Variants in IL11RA observed in about 807,000 individuals in gnomAD.
IL11RA encodes the protein interleukin 11 receptor subunit alpha, also known as interleukin-11 receptor subunit alpha.
In IL11RA, 51 loss-of-function variants were observed where a neutral mutation model predicts 57.0. The ratio of observed to expected loss-of-function variants is 0.89; its 90% CI spans 0.71 to 1.13. The LOEUF (loss-of-function observed/expected upper bound fraction) is 1.13. Ranked by LOEUF, IL11RA falls within the 50% of genes most tolerant of loss-of-function variation. IL11RA has a pLI of 0.00. For synonymous variants in IL11RA, 199 were observed against 217.5 expected (o/e 0.91, Z 0.75); for missense variants, 498 against 539.4 (o/e 0.92, Z 0.76).
rs544363313 is a variant in IL11RA, at chr9:34,657,343, G to A, written c.479+8G>A. 2.0e-5 allele frequency: 32 copies of A among 1,614,160 alleles called. No homozygotes were observed. The highest frequency in any genetic ancestry group is 8.3e-5 in the Admixed American group (5 of 60,022). On this transcript the variant is annotated splice_region_variant and intron_variant, in intron 6 of 12. Coordinates refer to ENST00000441545, the MANE Select transcript of IL11RA (RefSeq NM_001142784.3). ...AGGAGCTGATAGCCAGAGGTAGGAC[G>A]TGAGGGAGCATGTGGGGGCTCCAGC...
At position 34,661,585 on chromosome 9, in the gene IL11RA, G is replaced by A. The variant is rs1392757993; in HGVS notation, c.*87G>A. 7.3e-7 allele frequency: 1 copy of A among 1,370,734 alleles called. No individual in the cohort carries two copies. The highest frequency in any genetic ancestry group is 1.0e-6 in the Non-Finnish European group (1 of 958,110). 84.9% of individuals were successfully genotyped at this position (1,370,734 alleles called of 1,614,324 possible). On this transcript the variant is annotated 3_prime_UTR_variant, in exon 13 of 13. Transcript: ENST00000441545. ...ACCAGGCAGGACAGTAGATCCCTAT[G>A]GTTGGATCTCAGCTGGAAGTTCTGT...
chr9:34,660,171 C>T (rs909786850), intron 9 of IL11RA, 103 bp from the exon 10 acceptor site: 1 of 1,553,102 alleles, frequency 6.4e-7, no homozygotes, highest in Non-Finnish European at 8.9e-7. Flanking sequence ...GGCTCCTCCT[C>T]CTAGGTACCT....
In IL11RA at chr9:34,661,759, CA is replaced by C. The variant is rs11575583; in HGVS notation, c.*262del. On this transcript the variant is annotated 3_prime_UTR_variant, in exon 13 of 13. Transcript: ENST00000441545. Reference sequence around the variant, plus strand: ...CATGTGTGACCATGTGTCTGTGAGGCAGGGAACATGTATTCTCTGCATGCAT... The same window carrying C: ...CATGTGTGACCATGTGTCTGTGAGGCGGGAACATGTATTCTCTGCATGCAT... 0.039 allele frequency: 28,718 copies of C among 729,250 alleles called. 849 individuals are homozygous for C. Among genetic ancestry groups the C allele is most frequent in the South Asian group, 0.1 (6,253 of 59,660 alleles). The allele number at this position is 729,250 out of a possible 1,614,324, so 45.2% of individuals were successfully genotyped here.
chr9:34,658,676 G>A lies in IL11RA; in HGVS notation c.803G>A (p.Trp268Ter). The change falls in exon 8 of 13, where the codon TGG becomes TAG. Residue 268 changes from tryptophan (W) to a stop codon, truncating the protein, a stop_gained. Transcript: ENST00000441545. LOFTEE classifies it high-confidence loss of function. The surrounding 1 kb of genome is among the most constrained non-coding windows in gnomAD (Gnocchi z 4.0). ...TACCGTCCGGCGCAGCATCCAGCCTGGTCCACGGTGAGGCCTGGAGTGCGT... is the reference window on the plus strand; with the variant it reads ...TACCGTCCGGCGCAGCATCCAGCCTAGTCCACGGTGAGGCCTGGAGTGCGT... ...LQYRPAQHPAWSTVEPAGLEE... is the reference protein window; with the variant it reads ...LQYRPAQHPA 1 of 1,612,652 alleles carries A rather than the reference G, an allele frequency of 6.2e-7. No homozygotes were observed. Among genetic ancestry groups the A allele is most frequent in the Non-Finnish European group, 8.5e-7 (1 of 1,180,024 alleles).
intron 1 of IL11RA, chr9:34,654,994 CGTGTGTGTGTGT>C (rs59679449): frequency 1.1e-5 from 5 of 475,034 alleles, no homozygotes; most frequent in East Asian, 3.8e-5. Context: ...TGTGTGTGTC[CGTGTGTGTGTGT>C]GTGTGTGTGT....
chr9:34,656,672 C>A, intron 3 of IL11RA, 67 bp from the exon 4 acceptor site: 1 of 1,565,388 alleles, frequency 6.4e-7, no homozygotes, highest in South Asian at 1.1e-5. Flanking sequence ...CAATGGAGAG[C>A]TGTGGCATGG....
At position 34,661,714 on chromosome 9, in the gene IL11RA, G is replaced by C; in HGVS notation, c.*216G>C. The stretch of plus-strand genomic sequence containing the variant: ...TTGGAGTTCTGCTCAAGGAACGTGT[G>C]TAATGTGTACATCTGTGTCCATGTG... On this transcript the variant is annotated 3_prime_UTR_variant, in exon 13 of 13. Coordinates refer to ENST00000441545, the MANE Select transcript of IL11RA (RefSeq NM_001142784.3). 2 of 713,288 alleles carry C rather than the reference G, an allele frequency of 2.8e-6. No individual in the cohort carries two copies. Among genetic ancestry groups the C allele is most frequent in the South Asian group, 3.3e-5 (2 of 61,290 alleles). The allele number at this position is 713,288 out of a possible 1,614,324, so 44.2% of individuals were successfully genotyped here.
Position 34,656,766 on chromosome 9 carries a change from G to A in IL11RA, c.189G>A (p.Gly63=), listed in dbSNP as rs768570712. The A allele has an allele frequency of 1.2e-6, 2 of 1,614,086 alleles. No individual in the cohort carries two copies. The highest frequency in any genetic ancestry group is 1.7e-6 in the Non-Finnish European group (2 of 1,180,046). The change falls in exon 4 of 13, where the codon GGG becomes GGA. Residue 63 remains glycine (G), a synonymous_variant. Coordinates refer to ENST00000441545, the MANE Select transcript of IL11RA (RefSeq NM_001142784.3). The part of the protein sequence containing the change: ...AGDPVSWFRD[G]EPKLLQGPDS... ...ACCCAGTGTCCTGGTTTCGGGATGG[G>A]GAGCCAAAGCTGCTCCAGGGACCTG...
chr9:34,653,996 C>G lies in IL11RA; in HGVS notation c.1-1222C>G, dbSNP rs1258672358. 1 of 152,322 alleles carries G rather than the reference C, an allele frequency of 6.6e-6. No homozygotes were observed. Among genetic ancestry groups the G allele is most frequent in the Non-Finnish European group, 1.5e-5 (1 of 68,386 alleles). The allele number at this position is 152,322 out of a possible 1,614,324, so 9.4% of individuals were successfully genotyped here. ...ATGGACACTCTGCTGCTGGGATCAC[C>G]GAGGTAGGGTGGGGCTAAGCAGGGT... On this transcript the variant is annotated intron_variant, in intron 1 of 12. Transcript: ENST00000441545. The surrounding 1 kb of genome is among the most constrained non-coding windows in gnomAD (Gnocchi z 4.5).
At position 34,655,631 on chromosome 9, in the gene IL11RA, T is replaced by C; in HGVS notation, c.127T>C (p.Ser43Pro). 1 of 1,614,068 alleles carries C rather than the reference T, an allele frequency of 6.2e-7. No homozygotes were observed. The highest frequency in any genetic ancestry group is 8.5e-7 in the Non-Finnish European group (1 of 1,180,014). The stretch of plus-strand genomic sequence containing the variant: ...GGTCCAGTATGGGCAGCCAGGCAGG[T>C]CCGTGAAGCTGTGTTGTCCTGGAGT... ...PGVQYGQPGR[S>P]VKLCCPGVTA... is the part of the protein sequence containing the mutation. Residue 43 changes from serine to proline, a missense_variant, in exon 3 of 13, where the codon TCC (serine) becomes CCC (proline). Coordinates refer to ENST00000441545, the MANE Select transcript of IL11RA (RefSeq NM_001142784.3).
Position 34,661,673 on chromosome 9 carries a change from T to C in IL11RA, c.*175T>C. ...TGCAGCTGAAAGGTGCTTGTACCTC[T>C]GATTTCACCCCAGAGTTGGAGTTCT... On this transcript the variant is annotated 3_prime_UTR_variant, in exon 13 of 13. Transcript: ENST00000441545. 1.3e-6 allele frequency: 1 copy of C among 776,182 alleles called. No individual in the cohort carries two copies. The highest frequency in any genetic ancestry group is 2.2e-6 in the Non-Finnish European group (1 of 450,264). The allele number at this position is 776,182 out of a possible 1,614,324, so 48.1% of individuals were successfully genotyped here. A position where few individuals can be genotyped will look rare whatever the true frequency, so the allele number is the denominator to read the frequency against.
At chr9:34,661,277 C>T (rs966780362) in intron 12 of IL11RA, among the ~76,000 whole-genome samples, 3 of 151,432 alleles carry the variant, frequency 2.0e-5, no homozygotes, top group East Asian at 1.9e-4. Context: ...TGCTAGGTCC[C>T]CTCCTTCATT....
chr9:34,657,115 A>T lies in IL11RA; in HGVS notation c.412A>T (p.Ser138Cys), dbSNP rs748187476. Residue 138 changes from serine (S) to cysteine (C), a missense_variant, in exon 5 of 13, where the codon AGC (serine) becomes TGC (cysteine). Transcript: ENST00000441545. ...FSCTWSPSQI[S>C]GLPTRYLTSY... is the part of the protein sequence containing the mutation. Reference sequence around the variant, plus strand: ...TTGCACTTGGAGTCCCAGCCAGATCAGCGGTTTACCCACCCGCTACCTCAC... The same window carrying T: ...TTGCACTTGGAGTCCCAGCCAGATCTGCGGTTTACCCACCCGCTACCTCAC... 1 of 1,614,180 alleles carries T rather than the reference A, an allele frequency of 6.2e-7. No homozygotes were observed. The highest frequency in any genetic ancestry group is 8.5e-7 in the Non-Finnish European group (1 of 1,180,034).
Position 34,661,502 on chromosome 9 carries a change from A to G in IL11RA, c.*4A>G. On this transcript the variant is annotated 3_prime_UTR_variant, in exon 13 of 13. Transcript: ENST00000441545. ...TCTAGGAGCTCCAAACCTGTAGAGG[A>G]CCCAGGAGGGCTTCGGCAGATTCCA... is the stretch of plus-strand genomic sequence containing the variant. 6.2e-7 allele frequency: 1 copy of G among 1,613,790 alleles called. No individual in the cohort carries two copies. Among genetic ancestry groups the G allele is most frequent in the East Asian group, 2.2e-5 (1 of 44,884 alleles).
chr9:34,655,871 C>A, intron 3 of IL11RA: 1 of 632,386 alleles, frequency 1.6e-6, no homozygotes, highest in Non-Finnish European at 2.9e-6. Context: ...CTATTCTAGG[C>A]TCTGGGATAC....
At chr9:34,654,994 CGTGT>C (rs59679449) in intron 1 of IL11RA, 1,142 of 469,788 alleles carry the variant, frequency 2.4e-3, no homozygotes, top group East Asian at 6.6e-3. Context: ...TGTGTGTGTC[CGTGT>C]GTGTGTGTGT....
rs570735564 is a variant in IL11RA, at chr9:34,657,654, C to T, written c.646+67C>T. On this transcript the variant is annotated intron_variant, in intron 7 of 12. Transcript: ENST00000441545. The stretch of plus-strand genomic sequence containing the variant: ...AGACCCCAAATGGACTCAGATCTCT[C>T]CACTCCCAGAGTTCCCAGTTTCCTC... 6.1e-6 allele frequency: 9 copies of T among 1,484,402 alleles called. No homozygotes were observed. The South Asian group carries it at 1.1e-4, about 17-fold the overall frequency. The allele number at this position is 1,484,402 out of a possible 1,614,324, so 92.0% of individuals were successfully genotyped here. A position where few individuals can be genotyped will look rare whatever the true frequency, so the allele number is the denominator to read the frequency against.
At chr9:34,656,051 T>C (rs79384844) in intron 3 of IL11RA, 18 of 314,882 alleles carry the variant, frequency 5.7e-5, no homozygotes, top group East Asian at 4.6e-4. Flanking sequence ...TTTTTTTTTT[T>C]CCGAGAGTCT....
chr9:34,654,266 A>G (rs1249786909), intron 1 of IL11RA, among the ~76,000 whole-genome samples: 1 of 151,826 alleles, frequency 6.6e-6, no homozygotes, highest in African/African-American at 2.4e-5. Context: ...CCTGCCATAT[A>G]GACACACTGT....
Sources: gnomAD v4.1 joint callset for allele counts (sites outside exome capture counted in the v4.1 genomes callset) on GRCh38, gnomAD v4.1.1 for gene constraint, Gnocchi (gnomAD v3.1) non-coding constraint, MANE v1.5 for transcripts, NCBI Gene and HGNC (gene_info 2026-07-23, HGNC 2026-07-21) for gene names.